The following SNAP25 variants were observed in gnomAD, a reference collection of about 807,000 sequenced individuals.
SNAP25 encodes the protein synaptosomal-associated protein 25.
In SNAP25, 3 loss-of-function variants were observed where a neutral mutation model predicts 28.7. The observed-to-expected ratio is 0.10, with a 90% CI of 0.05 to 0.27. SNAP25 has a LOEUF of 0.27. Ranked by LOEUF, SNAP25 falls within the 10% of genes least tolerant of loss-of-function variation. SNAP25 has a pLI of 1.00. For missense variants in SNAP25, 117 were observed against 278.7 expected (o/e 0.42, Z 4.13); for synonymous variants, 61 against 88.1 (o/e 0.69, Z 1.72).
chr20:10,273,350 T>C (rs362581), intron 1 of SNAP25, among the ~76,000 whole-genome samples: 2,562 of 152,338 alleles, frequency 0.017, 72 homozygotes, highest in African/African-American at 0.059. Context: ...TTCTGTTTCA[T>C]TTTAAGTTTC....
intron 1 of SNAP25, among the ~76,000 whole-genome samples, chr20:10,249,506 C>T (rs571707067): frequency 1.3e-5 from 2 of 152,066 alleles, no homozygotes; most frequent in African/African-American, 2.4e-5. Flanking sequence ...ATTATTTTGG[C>T]GGGTTCCTTA....
chr20:10,239,151 A>G (rs363012), intron 1 of SNAP25, among the ~76,000 whole-genome samples: 58,546 of 152,064 alleles, frequency 0.39, 12,024 homozygotes, highest in African/African-American at 0.55. Context: ...GACAAAATCT[A>G]AAGTGTTTTA....
intron 7 of SNAP25, among the ~76,000 whole-genome samples, chr20:10,301,083 C>A (rs530017760): frequency 6.6e-6 from 1 of 152,122 alleles, no homozygotes; most frequent in African/African-American, 2.4e-5. Flanking sequence ...CCAGAAGGAG[C>A]GTCTTTACTA....
rs76776421 is a variant in SNAP25, at chr20:10,304,425, G to A, written c.553-1704G>A. Among the ~76,000 whole-genome samples, 442 of 152,184 alleles carry A rather than the reference G, an allele frequency of 2.9e-3. 10 individuals carry two copies. In the South Asian group the frequency reaches 0.057, roughly 20 times the overall value. ...AACTACTAGTAGCCTACTGTTGACT[G>A]GAAGCCTTAATGACATAAAAAGTCC... On this transcript the variant is annotated intron_variant, in intron 7 of 7. Coordinates refer to ENST00000254976, the MANE Select transcript of SNAP25 (RefSeq NM_130811.4).
intron 1 of SNAP25, among the ~76,000 whole-genome samples, chr20:10,260,724 A>ACACACACAAAC (rs1568597310): frequency 2.4e-3 from 188 of 78,438 alleles, no homozygotes; most frequent in African/African-American, 7.0e-3. Flanking sequence ...CACACACACA[A>ACACACACAAAC]ACACACACAC....
intron 1 of SNAP25, among the ~76,000 whole-genome samples, chr20:10,273,794 G>T (rs550978395): frequency 2.0e-5 from 3 of 152,126 alleles, no homozygotes. Flanking sequence ...GACCATCTCC[G>T]CTACAAGACA....
intron 7 of SNAP25, among the ~76,000 whole-genome samples, chr20:10,304,443 A>C (rs946893506): frequency 1.3e-5 from 2 of 152,206 alleles, no homozygotes; most frequent in African/African-American, 2.4e-5. Context: ...TAATGACATA[A>C]AAAGTCCATT....
At chr20:10,271,621 C>A (rs1268272881) in intron 1 of SNAP25, among the ~76,000 whole-genome samples, 1 of 152,242 alleles carries the variant, frequency 6.6e-6, no homozygotes, top group Non-Finnish European at 1.5e-5. Flanking sequence ...CTGCTGTCAG[C>A]TTGGAGCCAG....
chr20:10,306,282 G>A lies in SNAP25; in HGVS notation c.*85G>A. On this transcript the variant is annotated 3_prime_UTR_variant, in exon 8 of 8. Transcript: ENST00000254976. ...TCTCATGGTATTATCTAGTAGGTCT[G>A]CACACATAACACACATCAGTCCACC... 1 of 1,260,474 alleles carries A rather than the reference G, an allele frequency of 7.9e-7. No individual in the cohort carries two copies. Among genetic ancestry groups the A allele is most frequent in the Non-Finnish European group, 1.2e-6 (1 of 867,708 alleles). The allele number at this position is 1,260,474 out of a possible 1,614,324, so 78.1% of individuals were successfully genotyped here. A position where few individuals can be genotyped will look rare whatever the true frequency, so the allele number is the denominator to read the frequency against.
intron 1 of SNAP25, among the ~76,000 whole-genome samples, chr20:10,249,562 T>A (rs1290176048): frequency 6.6e-6 from 1 of 152,190 alleles, no homozygotes; most frequent in East Asian, 1.9e-4. Flanking sequence ...CTCTGTGATG[T>A]CTGCCTAGAT....
At chr20:10,263,345 G>T (rs2063453332) in intron 1 of SNAP25, among the ~76,000 whole-genome samples, 1 of 152,062 alleles carries the variant, frequency 6.6e-6, no homozygotes, top group African/African-American at 2.4e-5. Flanking sequence ...TACAAAGAGG[G>T]TCACAGGCAC....
At chr20:10,299,528 A>C (rs1260009048) in intron 7 of SNAP25, 116 bp downstream of exon 7, 2 of 1,011,812 alleles carry the variant, frequency 2.0e-6, no homozygotes, top group Non-Finnish European at 2.8e-6. Flanking sequence ...AGGCGCACTG[A>C]TAGCTGGAAA....
At chr20:10,219,840 A>G (rs2062595134) in intron 1 of SNAP25, 1 of 152,240 alleles carries the variant, frequency 6.6e-6, no homozygotes, top group Admixed American at 6.5e-5. Context: ...AAAACAAGAA[A>G]GAAATAAATC....
chr20:10,232,151 C>G (rs6131065), intron 1 of SNAP25, among the ~76,000 whole-genome samples: 1 of 152,216 alleles, frequency 6.6e-6, no homozygotes, highest in Non-Finnish European at 1.5e-5. Flanking sequence ...TCCACTTTCT[C>G]TTGTTGAAAA....
intron 7 of SNAP25, among the ~76,000 whole-genome samples, chr20:10,301,268 A>G (rs2064229085): frequency 6.6e-6 from 1 of 152,242 alleles, no homozygotes; most frequent in African/African-American, 2.4e-5. Flanking sequence ...TGCAGCTACA[A>G]GGTTTAATCA....
chr20:10,280,860 G>A (rs1334028586), intron 3 of SNAP25, among the ~76,000 whole-genome samples: 1 of 152,074 alleles, frequency 6.6e-6, no homozygotes, highest in Non-Finnish European at 1.5e-5. Context: ...AAGAGAATAA[G>A]CATTCTAAAG....
At chr20:10,255,485 C>T (rs770221513) in intron 1 of SNAP25, among the ~76,000 whole-genome samples, 13 of 152,172 alleles carry the variant, frequency 8.5e-5, no homozygotes, top group Non-Finnish European at 1.6e-4. Flanking sequence ...TTTATTTCCT[C>T]TGCCAACTCA....
chr20:10,225,530 T>G (rs1243590272), intron 1 of SNAP25, among the ~76,000 whole-genome samples: 1 of 152,190 alleles, frequency 6.6e-6, no homozygotes, highest in Non-Finnish European at 1.5e-5. Flanking sequence ...ACAGCTGTAC[T>G]GGGCTTATGG....
chr20:10,284,620 C>T, intron 3 of SNAP25, 104 bp from the exon 4 acceptor site: 1 of 894,326 alleles, frequency 1.1e-6, no homozygotes, highest in Non-Finnish European at 1.8e-6. Flanking sequence ...TTTGGTCCTT[C>T]TTCATTTTCC....
Sources: allele counts gnomAD v4.1 joint callset (sites outside exome capture counted in the v4.1 genomes callset), GRCh38; gene constraint gnomAD v4.1.1; transcripts MANE v1.5; gene names NCBI Gene and HGNC (gene_info 2026-07-23, HGNC 2026-07-21).